TBC1D16: variants seen among roughly 807,000 people sequenced by gnomAD.
TBC1D16 encodes CTD-2529O21.1.
A neutral mutation model predicts 74.7 loss-of-function variants in TBC1D16; 58 were observed. That is an observed-to-expected ratio of 0.78 (90% CI 0.63 to 0.97). The LOEUF (loss-of-function observed/expected upper bound fraction) is 0.97. Ranked by LOEUF, TBC1D16 falls within the 50% of genes least tolerant of loss-of-function variation. The pLI is 0.00. For synonymous variants in TBC1D16, 493 were observed against 474.7 expected, an observed-to-expected ratio of 1.04 and a Z score of -0.50; for missense variants, 1,014 against 1,079.5, an observed-to-expected ratio of 0.94 and a Z score of 0.85.
intron 2 of TBC1D16, among the ~76,000 whole-genome samples, chr17:80,012,925 C>A (rs2035945979): frequency 6.6e-6 from 1 of 152,144 alleles, no homozygotes; most frequent in South Asian, 2.1e-4. Flanking sequence ...CTCCACCACA[C>A]ACTGGCACTG....
chr17:79,948,227 C>T (rs765464957), intron 8 of TBC1D16, among the ~76,000 whole-genome samples: 25 of 151,474 alleles, frequency 1.7e-4, no homozygotes, highest in African/African-American at 2.4e-4. Flanking sequence ...ACTGGAGAAT[C>T]GCTTGAACCC....
At position 79,988,254 on chromosome 17, in the gene TBC1D16, G is replaced by T. The variant is rs1343524026; in HGVS notation, c.779+21906C>A. Among the ~76,000 whole-genome samples, 1 of 152,166 alleles carries T rather than the reference G, an allele frequency of 6.6e-6. No homozygotes were observed. The highest frequency in any genetic ancestry group is 2.4e-5 in the African/African-American group (1 of 41,436). On this transcript the variant is annotated intron_variant, in intron 3 of 11. Transcript: ENST00000310924. The surrounding 1 kb of genome is among the most constrained non-coding windows in gnomAD (Gnocchi z 5.7). ...GTGGCTCCTCGGCAAGTGGGCGTCC[G>T]CCGAGCCTTTGATGCACTCTCCAAA...
rs28698103 is a variant in TBC1D16 at position 80,023,666 on chromosome 17, C to A, written c.-62-10057G>T. On this transcript the variant is annotated intron_variant, in intron 1 of 11. Coordinates refer to ENST00000310924, the MANE Select transcript of TBC1D16 (RefSeq NM_019020.4). ...CGAGAACTGCTGCCGGGCCCCCCCC[C>A]ACCGGCTCAGGGCGTGGCTGGGGTG... 3.6e-4 allele frequency among the ~76,000 whole-genome samples: 52 copies of A among 144,562 alleles called. 6 individuals carry two copies. Among genetic ancestry groups the A allele is most frequent in the African/African-American group, 1.2e-3 (46 of 37,494 alleles). The allele number at this position is 144,562 out of a possible 152,430, so 94.8% of individuals were successfully genotyped here.
chr17:80,018,939 T>G (rs1414808749), intron 1 of TBC1D16, among the ~76,000 whole-genome samples: 1 of 150,186 alleles, frequency 6.7e-6, no homozygotes, highest in East Asian at 1.9e-4. Context: ...CTGCTGTGCA[T>G]TTTGCACTTA....
Position 79,933,456 on chromosome 17 carries a change from T to A in TBC1D16, c.*7403A>T, listed in dbSNP as rs996443076. 6.6e-6 allele frequency: 1 copy of A among 152,226 alleles called. No individual in the cohort carries two copies. The highest frequency in any genetic ancestry group is 1.5e-5 in the Non-Finnish European group (1 of 68,042). 9.4% of individuals were successfully genotyped at this position (152,226 alleles called of 1,614,324 possible). ...AGAGCCAGGAGCAGAGAGCCCTGCA[T>A]CTTGCCTGGGGCCCCTTGTATCTCT... is the stretch of plus-strand genomic sequence containing the variant. On this transcript the variant is annotated 3_prime_UTR_variant, in exon 12 of 12. Transcript: ENST00000310924.
chr17:79,953,299 T>A (rs2033172149), intron 3 of TBC1D16, among the ~76,000 whole-genome samples: 1 of 152,260 alleles, frequency 6.6e-6, no homozygotes, highest in Admixed American at 6.5e-5. Flanking sequence ...CAGCTCACTG[T>A]ATTCCTGAAA....
intron 3 of TBC1D16, among the ~76,000 whole-genome samples, chr17:80,002,408 G>T (rs1454364882): frequency 6.6e-6 from 1 of 152,238 alleles, no homozygotes; most frequent in East Asian, 1.9e-4. Flanking sequence ...CCTGCGGGGT[G>T]GGCTGGCACC....
In TBC1D16 at chr17:80,033,332, G is replaced by A. The variant is rs897430644; in HGVS notation, c.-63+2463C>T. Among the ~76,000 whole-genome samples the A allele has an allele frequency of 2.8e-4, 42 of 151,306 alleles. 1 individual carries two copies. Among genetic ancestry groups the A allele is most frequent in the African/African-American group, 9.6e-4 (39 of 40,696 alleles). Reference sequence around the variant, plus strand: ...GGAGAATTAACTAAGTGCCAGAGGAGTTGGGGTTTTTGTTGTTGTTTTGTT... The same window carrying A: ...GGAGAATTAACTAAGTGCCAGAGGAATTGGGGTTTTTGTTGTTGTTTTGTT... On this transcript the variant is annotated intron_variant, in intron 1 of 11. Coordinates refer to ENST00000310924, the MANE Select transcript of TBC1D16 (RefSeq NM_019020.4).
intron 1 of TBC1D16, among the ~76,000 whole-genome samples, chr17:80,014,212 C>A (rs1371524704): frequency 1.3e-5 from 2 of 151,978 alleles, no homozygotes; most frequent in Admixed American, 1.3e-4. Context: ...CAAAAATGAG[C>A]CAGGTGCGGT....
intron 1 of TBC1D16, among the ~76,000 whole-genome samples, chr17:80,022,655 G>C (rs983334229): frequency 1.5e-5 from 2 of 136,590 alleles, no homozygotes; most frequent in African/African-American, 5.9e-5. Context: ...TTATTTTTTT[G>C]AGGTGGAGTC....
At chr17:79,949,071 A>G in intron 7 of TBC1D16, 65 bp from the exon 8 acceptor site, 1 of 1,600,776 alleles carries the variant, frequency 6.2e-7, no homozygotes, top group Non-Finnish European at 8.5e-7. Flanking sequence ...TGTGGCGCAC[A>G]CACTGCAGGA....
In TBC1D16 at chr17:79,939,761, C is replaced by T. The variant is rs1383067375; in HGVS notation, c.*1098G>A. 6.6e-6 allele frequency: 1 copy of T among 152,150 alleles called. No homozygotes were observed. Among genetic ancestry groups the T allele is most frequent in the Non-Finnish European group, 1.5e-5 (1 of 68,028 alleles). The allele number at this position is 152,150 out of a possible 1,614,324, so 9.4% of individuals were successfully genotyped here. ...ATTCCCACATAGAAGGCAGAGAGCC[C>T]TGAGTGCTGGCTCCTTCACTGTGGT... On this transcript the variant is annotated 3_prime_UTR_variant, in exon 12 of 12. Coordinates refer to ENST00000310924, the MANE Select transcript of TBC1D16 (RefSeq NM_019020.4).
rs1461796672 is a variant in TBC1D16 at position 80,008,813 on chromosome 17, C to T, written c.779+1347G>A. On this transcript the variant is annotated intron_variant, in intron 3 of 11. Coordinates refer to ENST00000310924, the MANE Select transcript of TBC1D16 (RefSeq NM_019020.4). This position sits in a 1 kb window ranked among gnomAD's most constrained non-coding sequence, Gnocchi z 4.5. ...GGGGCTCTAATGGACTGCATCTTTA[C>T]TGGAGGGATAAAATCAGGGAAGAAC... Among the ~76,000 whole-genome samples the T allele has an allele frequency of 1.3e-5, 2 of 152,242 alleles. No individual in the cohort carries two copies. Among genetic ancestry groups the T allele is most frequent in the Non-Finnish European group, 2.9e-5 (2 of 68,040 alleles).
At chr17:80,016,123 T>TG (rs1422668108) in intron 1 of TBC1D16, among the ~76,000 whole-genome samples, 1 of 151,930 alleles carries the variant, frequency 6.6e-6, no homozygotes, top group Non-Finnish European at 1.5e-5. Flanking sequence ...ACAGCATGGA[T>TG]GAACCCCGAA....
chr17:79,996,181 T>C (rs1222132972), intron 3 of TBC1D16, among the ~76,000 whole-genome samples: 1 of 152,222 alleles, frequency 6.6e-6, no homozygotes, highest in Non-Finnish European at 1.5e-5. Context: ...AAGCAGGTTG[T>C]TACCTGTCAC....
At position 80,009,877 on chromosome 17, in the gene TBC1D16, G is replaced by T. The variant is rs1220815133; in HGVS notation, c.779+283C>A. On this transcript the variant is annotated intron_variant, in intron 3 of 11. Transcript: ENST00000310924. This position sits in a 1 kb window ranked among gnomAD's most constrained non-coding sequence, Gnocchi z 5.4. ...CCTTGGTCATGGGCCCATCAGACCT[G>T]GTAGGGCCTGTTTAGTCCTAGTGAG... 1.3e-5 allele frequency among the ~76,000 whole-genome samples: 2 copies of T among 152,186 alleles called. No homozygotes were observed. The highest frequency in any genetic ancestry group is 4.8e-5 in the African/African-American group (2 of 41,452).
In TBC1D16 at chr17:79,932,973, A is replaced by G. The variant is rs145306199; in HGVS notation, c.*7886T>C. The G allele has an allele frequency of 6.6e-6, 1 of 152,324 alleles. No individual in the cohort carries two copies. Among genetic ancestry groups the G allele is most frequent in the Non-Finnish European group, 1.5e-5 (1 of 68,044 alleles). 9.4% of individuals were successfully genotyped at this position (152,324 alleles called of 1,614,324 possible). On this transcript the variant is annotated 3_prime_UTR_variant, in exon 12 of 12. Transcript: ENST00000310924. Reference sequence around the variant, plus strand: ...GTCAGACTTATTTTCCTAGTCAGAGACTGAATGGCATATTTTCAAAGCACT... The same window carrying G: ...GTCAGACTTATTTTCCTAGTCAGAGGCTGAATGGCATATTTTCAAAGCACT...
chr17:80,035,541 C>T lies in TBC1D16; in HGVS notation c.-63+254G>A, dbSNP rs1404008846. Among the ~76,000 whole-genome samples the T allele has an allele frequency of 1.3e-5, 2 of 152,082 alleles. No homozygotes were observed. The highest frequency in any genetic ancestry group is 6.5e-5 in the Admixed American group (1 of 15,286). ...CCCATTCCGGGCCCGGGCGCCCTCA[C>T]TCGCCGCGGGGAAAAGTCCCCAGGT... On this transcript the variant is annotated intron_variant, in intron 1 of 11. Transcript: ENST00000310924. This position sits in a 1 kb window ranked among gnomAD's most constrained non-coding sequence, Gnocchi z 5.3.
intron 3 of TBC1D16, among the ~76,000 whole-genome samples, chr17:80,005,812 C>A (rs1044118748): frequency 6.6e-6 from 1 of 152,130 alleles, no homozygotes; most frequent in Non-Finnish European, 1.5e-5. Context: ...CGAATGTGGG[C>A]AGCCCGGGGG....
Sources: allele counts gnomAD v4.1 joint callset (sites outside exome capture counted in the v4.1 genomes callset), GRCh38; gene constraint gnomAD v4.1.1; non-coding constraint Gnocchi (gnomAD v3.1); transcripts MANE v1.5; gene names NCBI Gene and HGNC (gene_info 2026-07-23, HGNC 2026-07-21).